Variants in KLHL1 observed in about 807,000 individuals in gnomAD.
KLHL1 encodes the protein kelch-like protein 1.
In KLHL1, 47 loss-of-function variants were observed where a neutral mutation model predicts 77.7. The ratio of observed to expected loss-of-function variants is 0.60; its 90% CI spans 0.48 to 0.77. The LOEUF (loss-of-function observed/expected upper bound fraction) is 0.77. KLHL1 is among the 30% of genes least tolerant of loss of function. The probability of loss-of-function intolerance (pLI) is 0.00; values close to 1 mark genes in which losing one functional copy is unlikely to be tolerated. For synonymous variants in KLHL1, 360 were observed against 325.2 expected (o/e 1.11, Z -1.15); for missense variants, 925 against 910.8 (o/e 1.02, Z -0.20).
intron 7 of KLHL1, among the ~76,000 whole-genome samples, chr13:69,743,776 A>AT (rs1184693581): frequency 6.9e-6 from 1 of 144,372 alleles, no homozygotes; most frequent in Non-Finnish European, 1.5e-5. Context: ...ACAGAGTGAG[A>AT]TTTTGTCTCA....
chr13:69,813,095 C>A (rs1877957985), intron 6 of KLHL1, among the ~76,000 whole-genome samples: 1 of 151,802 alleles, frequency 6.6e-6, no homozygotes, highest in Admixed American at 6.6e-5. Flanking sequence ...CAATGATAGA[C>A]TGGATTAAGA....
intron 6 of KLHL1, among the ~76,000 whole-genome samples, chr13:69,802,106 A>C (rs1382436114): frequency 6.6e-6 from 1 of 152,028 alleles, no homozygotes; most frequent in African/African-American, 2.4e-5. Flanking sequence ...TATGAGTGAG[A>C]ACATGCAGTG....
intron 8 of KLHL1, among the ~76,000 whole-genome samples, chr13:69,721,143 G>GTCA (rs1406554588): frequency 9.5e-6 from 1 of 105,518 alleles, no homozygotes. Flanking sequence ...AGAACTCAAA[G>GTCA]TCATCCCTCT....
chr13:70,096,122 T>C (rs1366246297), intron 1 of KLHL1, among the ~76,000 whole-genome samples: 3 of 152,148 alleles, frequency 2.0e-5, no homozygotes, highest in Admixed American at 6.5e-5. Context: ...ATTCCATATT[T>C]TAGCTATTGT....
intron 6 of KLHL1, among the ~76,000 whole-genome samples, chr13:69,828,892 C>T (rs566834357): frequency 6.7e-6 from 1 of 150,172 alleles, no homozygotes; most frequent in East Asian, 1.9e-4. Flanking sequence ...CCACAGTGGC[C>T]ACAGCAAGCC....
chr13:69,899,392 T>C lies in KLHL1; in HGVS notation c.1015-16897A>G, dbSNP rs181089088. On this transcript the variant is annotated intron_variant, in intron 4 of 10. Coordinates refer to ENST00000377844, the MANE Select transcript of KLHL1 (RefSeq NM_020866.3). ...TTGATAAAATCCTGGTTCACTCATC[T>C]AAAATTGTGTGGCAAGGTCATCCTC... 2.4e-3 allele frequency among the ~76,000 whole-genome samples: 364 copies of C among 152,274 alleles called. 7 individuals are homozygous for C. The highest frequency in any genetic ancestry group is 1.1e-3 in the Non-Finnish European group (73 of 68,028).
chr13:69,897,899 G>A (rs1881705983), intron 4 of KLHL1, among the ~76,000 whole-genome samples: 1 of 152,176 alleles, frequency 6.6e-6, no homozygotes, highest in African/African-American at 2.4e-5. Context: ...CATTCCCTGT[G>A]GTTACTGAGT....
rs549351042 is a variant in KLHL1, at chr13:70,015,389, T to C, written c.498-39587A>G. 3.3e-5 allele frequency among the ~76,000 whole-genome samples: 5 copies of C among 152,302 alleles called. 1 individual carries two copies. The South Asian group carries it at 8.3e-4, about 25-fold the overall frequency. On this transcript the variant is annotated intron_variant, in intron 1 of 10. Coordinates refer to ENST00000377844, the MANE Select transcript of KLHL1 (RefSeq NM_020866.3). Reference sequence around the variant, plus strand: ...TAAACATATGTATTATAGTCTTATGTGACCACCATCACCTATGAGGTCTGT... The same window carrying C: ...TAAACATATGTATTATAGTCTTATGCGACCACCATCACCTATGAGGTCTGT...
chr13:69,962,665 G>C (rs1196800618), intron 2 of KLHL1, among the ~76,000 whole-genome samples: 1 of 151,782 alleles, frequency 6.6e-6, no homozygotes, highest in Non-Finnish European at 1.5e-5. Flanking sequence ...TTATAATGTT[G>C]TTAATGATAT....
intron 4 of KLHL1, among the ~76,000 whole-genome samples, chr13:69,931,892 T>C (rs1165644598): frequency 1.3e-5 from 2 of 151,860 alleles, no homozygotes; most frequent in Middle Eastern, 3.2e-3. Flanking sequence ...TGGATGCATC[T>C]TGTTATGCAT....
At chr13:69,720,636 G>GT (rs1198335965) in intron 8 of KLHL1, among the ~76,000 whole-genome samples, 2 of 151,966 alleles carry the variant, frequency 1.3e-5, no homozygotes, top group African/African-American at 2.4e-5. Flanking sequence ...ATTTAAATAA[G>GT]TAACCAGAAA....
chr13:69,800,354 T>C (rs1003266303), intron 6 of KLHL1, among the ~76,000 whole-genome samples: 28 of 152,250 alleles, frequency 1.8e-4, no homozygotes, highest in Non-Finnish European at 3.5e-4. Flanking sequence ...GATATGGACA[T>C]TTTTCTGGGC....
intron 4 of KLHL1, among the ~76,000 whole-genome samples, chr13:69,913,955 A>G (rs1442341334): frequency 6.6e-6 from 1 of 152,194 alleles, no homozygotes; most frequent in African/African-American, 2.4e-5. Flanking sequence ...GGTGAGCACA[A>G]TCTAATCAAC....
intron 7 of KLHL1, among the ~76,000 whole-genome samples, chr13:69,744,496 T>TA (rs1050799720): frequency 4.0e-5 from 6 of 150,434 alleles, no homozygotes; most frequent in Non-Finnish European, 7.4e-5. Flanking sequence ...AATATATATA[T>TA]ATTACATTAA....
intron 7 of KLHL1, among the ~76,000 whole-genome samples, chr13:69,758,602 ATATATT>A (rs1337460672): frequency 3.1e-4 from 47 of 152,248 alleles, no homozygotes; most frequent in African/African-American, 1.0e-3. Flanking sequence ...TTTTAATTAC[ATATATT>A]AAGTATAATT....
At chr13:70,073,109 A>T (rs894598643) in intron 1 of KLHL1, among the ~76,000 whole-genome samples, 1 of 152,166 alleles carries the variant, frequency 6.6e-6, no homozygotes, top group African/African-American at 2.4e-5. Flanking sequence ...ACACATGCAC[A>T]TGTATGTTTA....
intron 7 of KLHL1, among the ~76,000 whole-genome samples, chr13:69,786,661 A>G (rs1168602794): frequency 5.9e-5 from 9 of 152,200 alleles, no homozygotes; most frequent in Non-Finnish European, 1.2e-4. Context: ...GGCCAGGTCA[A>G]TTAGGCAGGA....
At chr13:70,069,018 C>T (rs1363256894) in intron 1 of KLHL1, among the ~76,000 whole-genome samples, 4 of 152,138 alleles carry the variant, frequency 2.6e-5, no homozygotes, top group African/African-American at 9.7e-5. Context: ...CTTAACAAGG[C>T]CTGACCTCAA....
In KLHL1 at chr13:70,041,824, C is replaced by T. The variant is rs185803379; in HGVS notation, c.497+65379G>A. On this transcript the variant is annotated intron_variant, in intron 1 of 10. Coordinates refer to ENST00000377844, the MANE Select transcript of KLHL1 (RefSeq NM_020866.3). Reference sequence around the variant, plus strand: ...GGCCAGGGACCTTGTTATTGCCACACTGGGATAGAATACCATGCTTGCTAC... The same window carrying T: ...GGCCAGGGACCTTGTTATTGCCACATTGGGATAGAATACCATGCTTGCTAC... Among the ~76,000 whole-genome samples, 181 of 152,196 alleles carry T rather than the reference C, an allele frequency of 1.2e-3. 1 individual carries two copies. The highest frequency in any genetic ancestry group is 2.1e-3 in the Non-Finnish European group (141 of 68,014).
Sources: allele counts gnomAD v4.1 joint callset (sites outside exome capture counted in the v4.1 genomes callset), GRCh38; gene constraint gnomAD v4.1.1; transcripts MANE v1.5; gene names NCBI Gene and HGNC (gene_info 2026-07-23, HGNC 2026-07-21).